ZNF79: variants seen among roughly 807,000 people sequenced by gnomAD.
The protein encoded by ZNF79 is zinc finger protein 79, also known as ZNFpT7.
A neutral mutation model predicts 14.9 loss-of-function variants in ZNF79; 13 were observed. The observed-to-expected ratio is 0.87, with a 90% CI of 0.57 to 1.38. The LOEUF is 1.38. Among genes scored for constraint, ZNF79 ranks in the 40% most tolerant of loss-of-function variants. The pLI is 0.00. For missense variants in ZNF79, 631 were observed against 630.6 expected (o/e 1.00, Z -0.01); for synonymous variants, 223 against 235.1 (o/e 0.95, Z 0.47).
intron 3 of ZNF79, among the ~76,000 whole-genome samples, chr9:127,435,463 T>C (rs1200218944): frequency 1.3e-5 from 2 of 152,210 alleles, no homozygotes; most frequent in African/African-American, 4.8e-5. Flanking sequence ...CCTCAGGTCA[T>C]TTCCTCTATG....
chr9:127,442,123 G>A (rs939027287), intron 4 of ZNF79, among the ~76,000 whole-genome samples: 4 of 148,630 alleles, frequency 2.7e-5, no homozygotes, highest in East Asian at 2.0e-4. Context: ...ATATTAGGCC[G>A]GGTGTGCTAG....
intron 2 of ZNF79, among the ~76,000 whole-genome samples, chr9:127,432,151 A>AT (rs34862357): frequency 0.12 from 16,507 of 134,014 alleles, 1,442 homozygotes; most frequent in Admixed American, 0.27. Flanking sequence ...TTATTTTTAA[A>AT]TTTTTTTTTT....
chr9:127,424,578 C>A lies in ZNF79; in HGVS notation c.-210C>A. On this transcript the variant is annotated 5_prime_UTR_variant, in exon 1 of 5. Coordinates refer to ENST00000342483, the MANE Select transcript of ZNF79 (RefSeq NM_007135.3). ...CAAAGAGTGGCTGTGACTCGGGAGA[C>A]GGAGTGGAACACCCGGCTGGGCAGG... 2 of 570,308 alleles carry A rather than the reference C, an allele frequency of 3.5e-6. No individual in the cohort carries two copies. Among genetic ancestry groups the A allele is most frequent in the Non-Finnish European group, 6.1e-6 (2 of 325,642 alleles). The allele number at this position is 570,308 out of a possible 1,614,324, so 35.3% of individuals were successfully genotyped here. A position where few individuals can be genotyped will look rare whatever the true frequency, so the allele number is the denominator to read the frequency against.
intron 1 of ZNF79, 57 bp from the exon 2 acceptor site, chr9:127,428,775 G>T: frequency 7.0e-7 from 1 of 1,431,734 alleles, no homozygotes; most frequent in South Asian, 1.5e-5. Flanking sequence ...TTCACAGTGA[G>T]AACTGGTGAC....
chr9:127,442,356 G>A (rs1259819200), intron 4 of ZNF79, among the ~76,000 whole-genome samples: 6 of 139,712 alleles, frequency 4.3e-5, no homozygotes, highest in Non-Finnish European at 4.6e-5. Context: ...AGCCAAGATA[G>A]CACCATTGCA....
intron 1 of ZNF79, 141 bp from the exon 2 acceptor site, chr9:127,428,691 G>T (rs968007202): frequency 4.0e-6 from 5 of 1,255,208 alleles, no homozygotes; most frequent in Admixed American, 8.3e-5. Context: ...AGGTAGGAGG[G>T]AATGGAGAAA....
At position 127,428,836 on chromosome 9, in the gene ZNF79, G is replaced by T; in HGVS notation, c.21G>T (p.Leu7=). 6.3e-7 allele frequency: 1 copy of T among 1,597,948 alleles called. No individual in the cohort carries two copies. Among genetic ancestry groups the T allele is most frequent in the African/African-American group, 1.3e-5 (1 of 74,120 alleles). The part of the protein sequence containing the change: MLEEGV[L]PSPGPALPQE... ...AGTTTTTTTCTCTTTCTCTAGTACTGCCTTCCCCAGGCCCTGCCCTTCCCC... is the reference window on the plus strand; with the variant it reads ...AGTTTTTTTCTCTTTCTCTAGTACTTCCTTCCCCAGGCCCTGCCCTTCCCC... Residue 7 remains leucine (L), a synonymous_variant, in exon 2 of 5, where the codon CTG becomes CTT. Transcript: ENST00000342483.
intron 4 of ZNF79, among the ~76,000 whole-genome samples, chr9:127,438,194 TC>T (rs1833983646): frequency 6.6e-6 from 1 of 152,056 alleles, no homozygotes; most frequent in Non-Finnish European, 1.5e-5. Flanking sequence ...TAGCATCAGA[TC>T]CCACTAGTTG....
Position 127,424,643 on chromosome 9 carries a change from C to T in ZNF79, c.-145C>T. The T allele has an allele frequency of 7.8e-7, 1 of 1,284,628 alleles. No individual in the cohort carries two copies. Among genetic ancestry groups the T allele is most frequent in the Non-Finnish European group, 1.1e-6 (1 of 910,690 alleles). 79.6% of individuals were successfully genotyped at this position (1,284,628 alleles called of 1,614,324 possible). ...GCGACCCAGCACCGCAGGATCAGACCGTGCCTCTGCGGGGAGAGGCTGGAG... is the reference window on the plus strand; with the variant it reads ...GCGACCCAGCACCGCAGGATCAGACTGTGCCTCTGCGGGGAGAGGCTGGAG... On this transcript the variant is annotated 5_prime_UTR_variant, in exon 1 of 5. Coordinates refer to ENST00000342483, the MANE Select transcript of ZNF79 (RefSeq NM_007135.3).
intron 2 of ZNF79, among the ~76,000 whole-genome samples, chr9:127,432,151 ATTTT>A (rs34862357): frequency 1.5e-5 from 2 of 134,008 alleles, no homozygotes; most frequent in Non-Finnish European, 3.2e-5. Context: ...TTATTTTTAA[ATTTT>A]TTTTTTTTTT....
chr9:127,434,612 T>C (rs1190836260), intron 2 of ZNF79, among the ~76,000 whole-genome samples: 2 of 152,174 alleles, frequency 1.3e-5, no homozygotes, highest in African/African-American at 2.4e-5. Context: ...TGTGAAATTA[T>C]CATAGTGTTA....
intron 2 of ZNF79, 83 bp from the exon 3 acceptor site, chr9:127,435,007 C>T (rs1289682871): frequency 2.7e-6 from 4 of 1,458,032 alleles, no homozygotes; most frequent in Non-Finnish European, 3.7e-6. Context: ...TTTTCCAGCT[C>T]CCCCAAAACT....
chr9:127,442,105 G>A (rs964013149), intron 4 of ZNF79, among the ~76,000 whole-genome samples: 4 of 151,690 alleles, frequency 2.6e-5, no homozygotes, highest in South Asian at 2.1e-4. Flanking sequence ...CAGCAAGAGC[G>A]AAGCTCCATA....
In ZNF79 at chr9:127,443,533, A is replaced by G. The variant is rs139549337; in HGVS notation, c.329-496A>G. Among the ~76,000 whole-genome samples, 624 of 152,354 alleles carry G rather than the reference A, an allele frequency of 4.1e-3. 4 individuals are homozygous for G. The highest frequency in any genetic ancestry group is 7.0e-3 in the Non-Finnish European group (476 of 68,036). ...GTTTATTTACACCAGCATCACCACA[A>G]ACGTGAGTAATGTGTTGCACTATGA... On this transcript the variant is annotated intron_variant, in intron 4 of 4. Transcript: ENST00000342483.
intron 1 of ZNF79, among the ~76,000 whole-genome samples, chr9:127,425,062 A>T (rs1212986945): frequency 6.6e-5 from 10 of 152,176 alleles, no homozygotes; most frequent in African/African-American, 2.4e-4. Context: ...TGAGTATTGT[A>T]CCACGTACCC....
chr9:127,435,863 A>G (rs1833937733), intron 3 of ZNF79, 45 bp from the exon 4 acceptor site: 2 of 1,550,636 alleles, frequency 1.3e-6, no homozygotes, highest in Non-Finnish European at 8.9e-7. Context: ...GTGGCTGTTC[A>G]TACTTACTTA....
At chr9:127,438,534 G>A (rs149441340) in intron 4 of ZNF79, among the ~76,000 whole-genome samples, 1 of 152,292 alleles carries the variant, frequency 6.6e-6, no homozygotes, top group African/African-American at 2.4e-5. Context: ...AGGCGTGATT[G>A]AAACACGGAC....
intron 1 of ZNF79, among the ~76,000 whole-genome samples, chr9:127,425,388 G>T (rs1258890427): frequency 6.6e-6 from 1 of 152,196 alleles, no homozygotes; most frequent in Non-Finnish European, 1.5e-5. Flanking sequence ...ATTCTCAAAT[G>T]AAATAACACT....
intron 4 of ZNF79, among the ~76,000 whole-genome samples, chr9:127,438,122 C>T (rs1435165146): frequency 6.6e-6 from 1 of 152,102 alleles, no homozygotes; most frequent in East Asian, 1.9e-4. Context: ...AGGCTTCTGC[C>T]AGCAGAGAGG....
Sources: gnomAD v4.1 joint callset for allele counts (sites outside exome capture counted in the v4.1 genomes callset) on GRCh38, gnomAD v4.1.1 for gene constraint, MANE v1.5 for transcripts, NCBI Gene and HGNC (gene_info 2026-07-23, HGNC 2026-07-21) for gene names.